Variants in APIP observed in about 807,000 individuals in gnomAD.
APIP encodes the protein APAF1 interacting protein, also known as methylthioribulose-1-phosphate dehydratase.
In APIP, 32 loss-of-function variants were observed where a neutral mutation model predicts 32.0. The ratio of observed to expected loss-of-function variants is 1.00; its 90% CI spans 0.76 to 1.34. The LOEUF (loss-of-function observed/expected upper bound fraction) is 1.34, where lower values mean the gene tolerates loss of function less well. Among genes scored for constraint, APIP ranks in the 40% most tolerant of loss-of-function variants. APIP has a pLI of 0.00. For synonymous variants in APIP, 92 were observed against 94.8 expected (o/e 0.97, Z 0.17); for missense variants, 247 against 298.6 (o/e 0.83, Z 1.27).
At chr11:34,889,023 G>A (rs1853139745) in intron 3 of APIP, among the ~76,000 whole-genome samples, 154 bp from the exon 4 acceptor site, 1 of 151,830 alleles carries the variant, frequency 6.6e-6, no homozygotes, top group Non-Finnish European at 1.5e-5. Flanking sequence ...TACATAGAGT[G>A]CTAATATATG....
chr11:34,915,197 G>A (rs1200815863), intron 1 of APIP, among the ~76,000 whole-genome samples: 1 of 152,004 alleles, frequency 6.6e-6, no homozygotes, highest in African/African-American at 2.4e-5. Context: ...TACTGATTGA[G>A]GGTACGGACA....
intron 5 of APIP, 150 bp from the exon 6 acceptor site, chr11:34,883,654 C>G (rs1055424268): frequency 4.1e-6 from 3 of 729,802 alleles, no homozygotes; most frequent in African/African-American, 1.8e-5. Flanking sequence ...GCGTGTTATT[C>G]TGTGTACCTT....
intron 1 of APIP, among the ~76,000 whole-genome samples, chr11:34,905,613 T>C (rs1372470089): frequency 1.3e-5 from 2 of 152,148 alleles, no homozygotes; most frequent in Non-Finnish European, 2.9e-5. Flanking sequence ...TATTGTAACA[T>C]CATACTTGTA....
chr11:34,886,512 A>G (rs371792989), intron 5 of APIP, among the ~76,000 whole-genome samples: 2 of 152,174 alleles, frequency 1.3e-5, no homozygotes, highest in Non-Finnish European at 2.9e-5. Context: ...AATGTTTTCA[A>G]TAAATTTCGT....
At chr11:34,894,924 A>C in intron 2 of APIP, 86 bp downstream of exon 2, 1 of 1,165,616 alleles carries the variant, frequency 8.6e-7, no homozygotes, top group Non-Finnish European at 1.3e-6. Context: ...ACTGATCATC[A>C]GTTGTTCTTT....
intron 1 of APIP, among the ~76,000 whole-genome samples, chr11:34,902,192 T>C (rs1243962904): frequency 6.6e-6 from 1 of 152,340 alleles, no homozygotes; most frequent in Non-Finnish European, 1.5e-5. Flanking sequence ...AACACCTGTT[T>C]GCCTTTGAGG....
intron 2 of APIP, among the ~76,000 whole-genome samples, chr11:34,891,262 T>C (rs963750686): frequency 1.3e-5 from 2 of 152,174 alleles, no homozygotes; most frequent in African/African-American, 4.8e-5. Context: ...CACAAGGTGC[T>C]CTCAAATTTG....
rs1428282619 is a variant in APIP, at chr11:34,882,451, A to G, written c.*266T>C. The G allele has an allele frequency of 4.9e-6, 1 of 205,512 alleles. No homozygotes were observed. Among genetic ancestry groups the G allele is most frequent in the Non-Finnish European group, 9.7e-6 (1 of 103,054 alleles). The allele number at this position is 205,512 out of a possible 1,614,324, so 12.7% of individuals were successfully genotyped here. A position where few individuals can be genotyped will look rare whatever the true frequency, so the allele number is the denominator to read the frequency against. ...GAGAGTATATATAAAAAAGAAATTA[A>G]AGGCAAATATTTTGCTGTTAAGGAT... On this transcript the variant is annotated 3_prime_UTR_variant, in exon 7 of 7. Coordinates refer to ENST00000395787, the MANE Select transcript of APIP (RefSeq NM_015957.4).
chr11:34,900,013 T>C (rs1853349674), intron 1 of APIP, among the ~76,000 whole-genome samples: 1 of 152,234 alleles, frequency 6.6e-6, no homozygotes, highest in African/African-American at 2.4e-5. Context: ...AAATGCCTCA[T>C]AGTCTATTGC....
rs746013103 is a variant in APIP at position 34,895,835 on chromosome 11, C to CT, written c.58-726dup. 7.3e-5 allele frequency among the ~76,000 whole-genome samples: 11 copies of CT among 150,762 alleles called. No homozygotes were observed. In the East Asian group the frequency reaches 2.0e-3, roughly 27 times the overall value. The stretch of plus-strand genomic sequence containing the variant: ...AAAGAGCCCACACCATTTTCTCCTG[C>CT]TTTTTTGTGGTTTAAATTAATGAAA... On this transcript the variant is annotated intron_variant, in intron 1 of 6. Coordinates refer to ENST00000395787, the MANE Select transcript of APIP (RefSeq NM_015957.4).
chr11:34,905,275 C>G (rs1251013935), intron 1 of APIP, among the ~76,000 whole-genome samples: 3 of 143,974 alleles, frequency 2.1e-5, no homozygotes, highest in Non-Finnish European at 4.6e-5. Flanking sequence ...TTAGCTCCTG[C>G]AATATCTGCC....
chr11:34,882,942 C>A, intron 6 of APIP, 126 bp from the exon 7 acceptor site: 2 of 657,738 alleles, frequency 3.0e-6, no homozygotes, highest in Non-Finnish European at 2.5e-6. Context: ...TCTCTCAATT[C>A]TAGGCCAAAA....
At chr11:34,897,830 G>A (rs1467579208) in intron 1 of APIP, among the ~76,000 whole-genome samples, 1 of 151,950 alleles carries the variant, frequency 6.6e-6, no homozygotes, top group African/African-American at 2.4e-5. Context: ...AGTTTTTTTC[G>A]TGGGCTACCT....
intron 1 of APIP, among the ~76,000 whole-genome samples, chr11:34,904,857 G>C (rs1032416979): frequency 6.6e-6 from 1 of 152,188 alleles, no homozygotes; most frequent in Non-Finnish European, 1.5e-5. Flanking sequence ...GGAATGCCTT[G>C]AATATCAATA....
At chr11:34,908,129 CATAAT>C (rs1397954978) in intron 1 of APIP, among the ~76,000 whole-genome samples, 1 of 152,126 alleles carries the variant, frequency 6.6e-6, no homozygotes, top group African/African-American at 2.4e-5. Flanking sequence ...TCAAAACATA[CATAAT>C]ATAAGTAACG....
chr11:34,890,435 T>G, intron 3 of APIP, 69 bp downstream of exon 3: 1 of 1,431,954 alleles, frequency 7.0e-7, no homozygotes, highest in Non-Finnish European at 9.5e-7. Flanking sequence ...TCTCTTAAAA[T>G]TAATTCCATT....
Position 34,883,516 on chromosome 11 carries a change from A to T in APIP, c.462-12T>A, listed in dbSNP as rs775794861. On this transcript the variant is annotated splice_polypyrimidine_tract_variant and intron_variant, in intron 5 of 6. Transcript: ENST00000395787. Reference sequence around the variant, plus strand: ...ACATATCATCATATCTGTAAGACAAAACAAGCCATTTTTTTCCATTAAAAC... The same window carrying T: ...ACATATCATCATATCTGTAAGACAATACAAGCCATTTTTTTCCATTAAAAC... 1 of 1,609,580 alleles carries T rather than the reference A, an allele frequency of 6.2e-7. No individual in the cohort carries two copies. Among genetic ancestry groups the T allele is most frequent in the Non-Finnish European group, 8.5e-7 (1 of 1,177,976 alleles).
chr11:34,899,133 T>C (rs1358456997), intron 1 of APIP, among the ~76,000 whole-genome samples: 1 of 152,056 alleles, frequency 6.6e-6, no homozygotes, highest in Non-Finnish European at 1.5e-5. Context: ...CCTCCCAAAG[T>C]GCTGGGATTA....
intron 1 of APIP, among the ~76,000 whole-genome samples, chr11:34,896,574 A>G (rs1853275250): frequency 6.6e-6 from 1 of 152,112 alleles, no homozygotes; most frequent in Non-Finnish European, 1.5e-5. Context: ...GCCTGTCAGC[A>G]GATGGGGGGC....
Sources: allele counts gnomAD v4.1 joint callset (sites outside exome capture counted in the v4.1 genomes callset), GRCh38; gene constraint gnomAD v4.1.1; transcripts MANE v1.5; gene names NCBI Gene and HGNC (gene_info 2026-07-23, HGNC 2026-07-21).